The following DOCK1 variants were observed in gnomAD, a reference collection of about 807,000 sequenced individuals.
DOCK1 encodes the protein dedicator of cytokinesis 1.
DOCK1 carries 138 observed loss-of-function variants against 262.7 expected under a neutral mutation model. That is an observed-to-expected ratio of 0.53 (90% CI 0.46 to 0.61). The LOEUF (loss-of-function observed/expected upper bound fraction) is 0.61, where lower values mean the gene tolerates loss of function less well. DOCK1 is among the 20% of genes least tolerant of loss of function. The pLI is 0.00. For synonymous variants in DOCK1, 866 were observed against 867.4 expected (o/e 1.00, Z 0.03); for missense variants, 1,908 against 2,370.7 (o/e 0.80, Z 4.05).
intron 23 of DOCK1, among the ~76,000 whole-genome samples, chr10:127,066,220 C>A (rs1453727838): frequency 6.6e-6 from 1 of 152,066 alleles, no homozygotes; most frequent in Admixed American, 6.6e-5. Context: ...GCCCCCGCCG[C>A]CCCCAGCTGC....
chr10:127,035,781 G>C (rs1015834496), intron 18 of DOCK1, among the ~76,000 whole-genome samples: 1 of 151,934 alleles, frequency 6.6e-6, no homozygotes, highest in East Asian at 1.9e-4. Context: ...AGGCTGAGGC[G>C]TGAGGTTCAC....
chr10:127,135,003 G>T (rs2050567238), intron 27 of DOCK1, among the ~76,000 whole-genome samples: 2 of 152,178 alleles, frequency 1.3e-5, no homozygotes, highest in African/African-American at 4.8e-5. Context: ...ATCCCTTGAG[G>T]CTGGGGATGT....
At chr10:127,026,230 C>A in intron 15 of DOCK1, 122 bp from the exon 16 acceptor site, 2 of 940,772 alleles carry the variant, frequency 2.1e-6, no homozygotes, top group Non-Finnish European at 3.3e-6. Context: ...ACTAGGTGTA[C>A]AGTATTTTCA....
intron 1 of DOCK1, among the ~76,000 whole-genome samples, chr10:126,963,669 T>TCCTC (rs1164456870): frequency 0.11 from 12,091 of 108,692 alleles, 2,116 homozygotes; most frequent in East Asian, 0.52. Flanking sequence ...CTTCCTTCCT[T>TCCTC]CCTCCCTCCC....
chr10:126,997,451 G>T (rs2040285939), intron 7 of DOCK1, among the ~76,000 whole-genome samples: 1 of 151,858 alleles, frequency 6.6e-6, no homozygotes, highest in Non-Finnish European at 1.5e-5. Context: ...GGCGAAGTGG[G>T]AGCCAACACT....
chr10:127,165,129 T>C (rs1248279891), intron 27 of DOCK1, among the ~76,000 whole-genome samples: 1 of 152,228 alleles, frequency 6.6e-6, no homozygotes, highest in Non-Finnish European at 1.5e-5. Flanking sequence ...TCTTGTACTG[T>C]CACAGAGGTT....
At chr10:127,335,534 A>T (rs2063151394) in intron 29 of DOCK1, among the ~76,000 whole-genome samples, 1 of 150,942 alleles carries the variant, frequency 6.6e-6, no homozygotes, top group Non-Finnish European at 1.5e-5. Context: ...TAACTTATGA[A>T]TTACAGTAAC....
intron 1 of DOCK1, among the ~76,000 whole-genome samples, chr10:126,932,658 CT>C: frequency 6.6e-6 from 1 of 152,214 alleles, no homozygotes; most frequent in Non-Finnish European, 1.5e-5. Flanking sequence ...TTGAGCTGAG[CT>C]TAGGAGGCCC....
At chr10:127,002,897 C>G (rs1435638052) in intron 10 of DOCK1, among the ~76,000 whole-genome samples, 6 of 152,236 alleles carry the variant, frequency 3.9e-5, no homozygotes, top group African/African-American at 1.4e-4. Flanking sequence ...GAAAACCCAC[C>G]TGGGGCCAAG....
chr10:126,957,985 TG>T (rs2036884670), intron 1 of DOCK1, among the ~76,000 whole-genome samples: 1 of 152,188 alleles, frequency 6.6e-6, no homozygotes, highest in Non-Finnish European at 1.5e-5. Flanking sequence ...TAGGATTCCG[TG>T]TATTTGAAGT....
intron 27 of DOCK1, among the ~76,000 whole-genome samples, chr10:127,226,287 C>A (rs2058635741): frequency 6.6e-6 from 1 of 152,056 alleles, no homozygotes; most frequent in African/African-American, 2.4e-5. Flanking sequence ...CTTAGCTCTA[C>A]CCTACCCTAT....
intron 22 of DOCK1, among the ~76,000 whole-genome samples, chr10:127,059,704 A>G (rs1353805949): frequency 1.3e-5 from 2 of 151,672 alleles, no homozygotes; most frequent in Non-Finnish European, 2.9e-5. Context: ...TCATTTTTTT[A>G]TCTTATTTTC....
intron 29 of DOCK1, among the ~76,000 whole-genome samples, chr10:127,328,462 G>A (rs1161411105): frequency 6.6e-6 from 1 of 152,196 alleles, no homozygotes; most frequent in African/African-American, 2.4e-5. Flanking sequence ...TAAAGATTCT[G>A]CACAGATGGA....
chr10:127,315,277 A>G (rs547115799), intron 29 of DOCK1, among the ~76,000 whole-genome samples: 26 of 152,308 alleles, frequency 1.7e-4, no homozygotes, highest in South Asian at 1.0e-3. Flanking sequence ...TCCAAAATTC[A>G]TGTTGAGGTC....
In DOCK1 at chr10:127,433,828, G is replaced by A. The variant is rs183955973; in HGVS notation, c.5060+400G>A. Among the ~76,000 whole-genome samples the A allele has an allele frequency of 7.9e-3, 1,194 of 151,590 alleles. 16 individuals carry two copies. The highest frequency in any genetic ancestry group is 0.028 in the African/African-American group (1,138 of 41,296). On this transcript the variant is annotated intron_variant, in intron 48 of 51. Transcript: ENST00000623213. ...TAAAACAGTATGAGATTGTTTTTGT[G>A]ATTTCTTCTTTTTTTTTTTTTAATA...
intron 33 of DOCK1, among the ~76,000 whole-genome samples, chr10:127,365,827 T>C (rs1454753129): frequency 6.6e-6 from 1 of 152,200 alleles, no homozygotes; most frequent in Admixed American, 6.5e-5. Flanking sequence ...GGCCCCAGGT[T>C]TGCTAGGAAA....
chr10:127,361,921 C>A, intron 32 of DOCK1, 143 bp from the exon 33 acceptor site: 1 of 913,552 alleles, frequency 1.1e-6, no homozygotes, highest in Non-Finnish European at 1.6e-6. Flanking sequence ...AAATCATCAT[C>A]TGCAGACGCG....
intron 26 of DOCK1, 46 bp downstream of exon 26, chr10:127,125,647 T>G (rs762263900): frequency 4.4e-6 from 7 of 1,593,840 alleles, no homozygotes; most frequent in Non-Finnish European, 6.0e-6. Flanking sequence ...TGCCTGAACC[T>G]GCCATTTGCC....
intron 23 of DOCK1, among the ~76,000 whole-genome samples, chr10:127,086,675 T>C (rs1282696942): frequency 6.6e-6 from 1 of 152,192 alleles, no homozygotes. Context: ...AATTTTTCTG[T>C]GGTTCTTAAA....
Sources: gnomAD v4.1 joint callset for allele counts (sites outside exome capture counted in the v4.1 genomes callset) on GRCh38, gnomAD v4.1.1 for gene constraint, MANE v1.5 for transcripts, NCBI Gene and HGNC (gene_info 2026-07-23, HGNC 2026-07-21) for gene names.